The following ASTE1 variants were observed in gnomAD, a reference collection of about 807,000 sequenced individuals.
ASTE1 encodes asteroid structure-specific endonuclease 1.
In ASTE1, 49 loss-of-function variants were observed where a neutral mutation model predicts 45.8. That is an observed-to-expected ratio of 1.07 (90% CI 0.85 to 1.36). The LOEUF is 1.36. Ranked by LOEUF, ASTE1 falls within the 40% of genes most tolerant of loss-of-function variation. The pLI is 0.00. For synonymous variants in ASTE1, 296 were observed against 303.9 expected (o/e 0.97, Z 0.27); for missense variants, 709 against 804.0 (o/e 0.88, Z 1.43).
Position 131,025,313 on chromosome 3 carries a change from A to G in ASTE1, c.-7T>C. 6.2e-7 allele frequency: 1 copy of G among 1,602,920 alleles called. No individual in the cohort carries two copies. The highest frequency in any genetic ancestry group is 8.5e-7 in the Non-Finnish European group (1 of 1,173,842). ...TTAGTCCTCGGATACCCATGATGAC[A>G]GTCTAAAGAATTAATCGCCTGTTTA... On this transcript the variant is annotated 5_prime_UTR_variant, in exon 3 of 6. Transcript: ENST00000264992.
rs2063917423 is a variant in ASTE1 at position 131,026,788 on chromosome 3, T to A, written c.-428A>T. ...GCTTGGCCCGCCGGTCCTCCTCTGC[T>A]TTCTCCGCCTACTTGGGTCGGCGAA... On this transcript the variant is annotated 5_prime_UTR_variant, in exon 1 of 6. In the 5' UTR this introduces an upstream ATG that the reference lacks. Transcript: ENST00000264992. 6.6e-6 allele frequency: 1 copy of A among 152,410 alleles called. No individual in the cohort carries two copies. The highest frequency in any genetic ancestry group is 1.5e-5 in the Non-Finnish European group (1 of 68,216). The allele number at this position is 152,410 out of a possible 1,614,324, so 9.4% of individuals were successfully genotyped here.
intron 3 of ASTE1, among the ~76,000 whole-genome samples, chr3:131,020,316 A>G (rs957385332): frequency 6.6e-6 from 1 of 152,200 alleles, no homozygotes; most frequent in Non-Finnish European, 1.5e-5. Flanking sequence ...GTTAGGTTTT[A>G]TCCCATGTGA....
At chr3:131,015,333 A>G (rs939373259) in intron 5 of ASTE1, 7 of 644,758 alleles carry the variant, frequency 1.1e-5, no homozygotes, top group Admixed American at 7.7e-5. Flanking sequence ...ACAAAACACA[A>G]TCTATCTCCT....
intron 3 of ASTE1, among the ~76,000 whole-genome samples, chr3:131,023,105 C>T (rs1167834457): frequency 6.6e-6 from 1 of 152,116 alleles, no homozygotes; most frequent in Non-Finnish European, 1.5e-5. Context: ...AGACTGATAA[C>T]AGTGCTGGGA....
At position 131,024,938 on chromosome 3, in the gene ASTE1, G is replaced by A; in HGVS notation, c.369C>T (p.Phe123=). 6 of 1,613,578 alleles carry A rather than the reference G, an allele frequency of 3.7e-6. No homozygotes were observed. The highest frequency in any genetic ancestry group is 5.1e-6 in the Non-Finnish European group (6 of 1,179,710). The change falls in exon 3 of 6, where the codon TTC becomes TTT. Residue 123 remains phenylalanine (F), a synonymous_variant. Coordinates refer to ENST00000264992, the MANE Select transcript of ASTE1 (RefSeq NM_014065.4). ...CCCGCAGCTTGATCAAAACCTGTAT[G>A]AATACTTCCCGGATGAGTAAGGGAC... ...YVCPLLIREV[F]IQVLIKLRVC...
At chr3:131,023,579 C>T (rs557653335) in intron 3 of ASTE1, among the ~76,000 whole-genome samples, 121 of 152,248 alleles carry the variant, frequency 7.9e-4, no homozygotes, top group African/African-American at 2.2e-3. Context: ...TCAGTACTAA[C>T]CTTATCTGAA....
Position 131,013,961 on chromosome 3 carries a change from A to T in ASTE1, c.*96T>A. 1.2e-6 allele frequency: 1 copy of T among 811,554 alleles called. No individual in the cohort carries two copies. The highest frequency in any genetic ancestry group is 1.9e-6 in the Non-Finnish European group (1 of 525,966). 50.3% of individuals were successfully genotyped at this position (811,554 alleles called of 1,614,324 possible). The stretch of plus-strand genomic sequence containing the variant: ...TGTGATGTTTATCCCCTAACAGGTC[A>T]GTCCTAAAGAAAAAGCTAATTGTTT... On this transcript the variant is annotated 3_prime_UTR_variant, in exon 6 of 6. Coordinates refer to ENST00000264992, the MANE Select transcript of ASTE1 (RefSeq NM_014065.4).
chr3:131,018,762 CTGTT>C, intron 3 of ASTE1, 46 bp from the exon 4 acceptor site: 1 of 1,578,214 alleles, frequency 6.3e-7, no homozygotes, highest in South Asian at 1.1e-5. Context: ...TGGGAAATGT[CTGTT>C]ATTTCTTTTT....
intron 1 of ASTE1, 23 bp from the exon 2 acceptor site, chr3:131,025,617 C>G (rs1241900193): frequency 6.3e-6 from 2 of 319,346 alleles, no homozygotes; most frequent in Non-Finnish European, 1.1e-5. Flanking sequence ...CAGTTGAAGT[C>G]CATTACTGAC....
At chr3:131,014,995 T>G (rs1253415031) in intron 5 of ASTE1, among the ~76,000 whole-genome samples, 4 of 152,222 alleles carry the variant, frequency 2.6e-5, no homozygotes, top group Admixed American at 6.5e-5. Context: ...TTGTTTTGCA[T>G]TTCCTGTTTT....
Position 131,024,535 on chromosome 3 carries a change from C to G in ASTE1, c.772G>C (p.Gly258Arg). ...AAATGAGACAACCAATTCAGAAGTC[C>G]CAGGATTCGGTGGTGTCTCCTCCCT... ...SKGRRHHRILGLLNWLSHFAN... is the reference protein window; with the variant it reads ...SKGRRHHRILRLLNWLSHFAN... Residue 258 changes from glycine (G) to arginine (R), a missense_variant, in exon 3 of 6, where the codon GGA (glycine) becomes CGA (arginine). By Grantham distance (125) the Gly-to-Arg change is moderately radical. Coordinates refer to ENST00000264992, the MANE Select transcript of ASTE1 (RefSeq NM_014065.4). 6.2e-7 allele frequency: 1 copy of G among 1,614,024 alleles called. No individual in the cohort carries two copies. The highest frequency in any genetic ancestry group is 8.5e-7 in the Non-Finnish European group (1 of 1,180,002).
intron 4 of ASTE1, 96 bp from the exon 5 acceptor site, chr3:131,016,435 ATTAAT>A (rs1350434753): frequency 1.5e-6 from 2 of 1,368,780 alleles, no homozygotes; most frequent in East Asian, 2.4e-5. Context: ...AAAGAAAGAA[ATTAAT>A]TTAAAAAAAC....
intron 3 of ASTE1, among the ~76,000 whole-genome samples, chr3:131,020,562 TA>T (rs1351040956): frequency 2.0e-5 from 3 of 147,196 alleles, no homozygotes; most frequent in Non-Finnish European, 4.6e-5. Context: ...TTGTGGGAAT[TA>T]AATGAGAGAC....
At chr3:131,018,163 C>A (rs1439083279) in intron 4 of ASTE1, among the ~76,000 whole-genome samples, 1 of 152,060 alleles carries the variant, frequency 6.6e-6, no homozygotes, top group Non-Finnish European at 1.5e-5. Context: ...GTGCTAATAA[C>A]TGGATAGGTA....
chr3:131,018,814 T>G (rs534138604), intron 3 of ASTE1, 98 bp from the exon 4 acceptor site: 58 of 1,182,862 alleles, frequency 4.9e-5, no homozygotes, highest in Non-Finnish European at 6.7e-5. Flanking sequence ...CTACTGAAAC[T>G]TCTGTCAGCT....
In ASTE1 at chr3:131,014,172, T is replaced by G; in HGVS notation, c.1925A>C (p.Lys642Thr). 1 of 1,614,058 alleles carries G rather than the reference T, an allele frequency of 6.2e-7. No homozygotes were observed. The highest frequency in any genetic ancestry group is 8.5e-7 in the Non-Finnish European group (1 of 1,180,010). ...GTGTGCAGTGGTTCTCCCTCTGTTC[T>G]TAGAACAGCTGGTATTCTGTTTCTT... ...RQKKQNTSCS[K>T]NRGRTTAHTK... The change falls in exon 6 of 6, where the codon AAG (lysine) becomes ACG (threonine). Residue 642 changes from lysine to threonine, a missense_variant. Transcript: ENST00000264992.
At chr3:131,022,911 T>G (rs1441694999) in intron 3 of ASTE1, among the ~76,000 whole-genome samples, 1 of 152,184 alleles carries the variant, frequency 6.6e-6, no homozygotes, top group East Asian at 1.9e-4. Flanking sequence ...TATGGGACAC[T>G]TTCCTGTGCA....
In ASTE1 at chr3:131,014,290, G is replaced by T; in HGVS notation, c.1807C>A (p.Leu603Ile). 2.5e-6 allele frequency: 4 copies of T among 1,613,974 alleles called. No homozygotes were observed. The highest frequency in any genetic ancestry group is 3.4e-6 in the Non-Finnish European group (4 of 1,179,996). Reference protein sequence around the residue: ...LLSICPEAKQLYEYLFNATRS... With the variant: ...LLSICPEAKQIYEYLFNATRS... ...GTGGCATTGAATAGATATTCATAAA[G>T]TTGCTTAGCCTCAGGACATATGCTC... Residue 603 changes from leucine to isoleucine, a missense_variant, in exon 6 of 6, where the codon CTT (leucine) becomes ATT (isoleucine). By Grantham distance (5) the Leu-to-Ile change is conservative. Coordinates refer to ENST00000264992, the MANE Select transcript of ASTE1 (RefSeq NM_014065.4).
intron 5 of ASTE1, among the ~76,000 whole-genome samples, chr3:131,014,615 C>T (rs1472919658): frequency 1.3e-5 from 2 of 152,160 alleles, no homozygotes; most frequent in African/African-American, 4.8e-5. Flanking sequence ...CAACAAATTA[C>T]GTGATGCATG....
Sources: allele counts gnomAD v4.1 joint callset (sites outside exome capture counted in the v4.1 genomes callset), GRCh38; gene constraint gnomAD v4.1.1; transcripts MANE v1.5; gene names NCBI Gene and HGNC (gene_info 2026-07-23, HGNC 2026-07-21).